CDC42BPA: variants seen among roughly 807,000 people sequenced by gnomAD.
The protein encoded by CDC42BPA is serine/threonine-protein kinase MRCK alpha.
CDC42BPA carries 80 observed loss-of-function variants against 223.5 expected under a neutral mutation model. The observed-to-expected ratio is 0.36, with a 90% confidence interval of 0.30 to 0.43. The LOEUF is 0.43. Ranked by LOEUF, CDC42BPA falls within the 20% of genes least tolerant of loss-of-function variation. The pLI is 1.00. For missense variants in CDC42BPA, 1,743 were observed against 2,099.9 expected, an observed-to-expected ratio of 0.83 and a Z score of 3.32; for synonymous variants, 694 against 718.6, an observed-to-expected ratio of 0.97 and a Z score of 0.55.
chr1:227,196,589 T>C (rs985262111), intron 4 of CDC42BPA, among the ~76,000 whole-genome samples: 18 of 152,134 alleles, frequency 1.2e-4, no homozygotes, highest in Non-Finnish European at 2.2e-4. Context: ...TCCGCCCGCC[T>C]TGGCCTCCCA....
intron 29 of CDC42BPA, among the ~76,000 whole-genome samples, chr1:227,030,081 C>T (rs1326991076): frequency 1.3e-5 from 2 of 150,330 alleles, no homozygotes; most frequent in Admixed American, 6.6e-5. Flanking sequence ...TGCAATGAGC[C>T]GAGTTCGTGC....
At chr1:227,137,309 G>T (rs1438199220) in intron 10 of CDC42BPA, among the ~76,000 whole-genome samples, 3 of 151,998 alleles carry the variant, frequency 2.0e-5, no homozygotes, top group African/African-American at 7.2e-5. Context: ...TAAAATCATG[G>T]CAGAACATCA....
chr1:227,034,615 T>C, intron 26 of CDC42BPA, 40 bp downstream of exon 26: 1 of 1,540,780 alleles, frequency 6.5e-7, no homozygotes, highest in South Asian at 1.2e-5. Flanking sequence ...AAAATTCCTA[T>C]GTTGCAATGA....
chr1:227,013,798 T>C (rs1558282469), intron 34 of CDC42BPA, among the ~76,000 whole-genome samples: 1 of 152,140 alleles, frequency 6.6e-6, no homozygotes, highest in Admixed American at 6.5e-5. Flanking sequence ...TTATATTTGC[T>C]GATGTTTTGC....
Position 227,112,357 on chromosome 1 carries a change from A to G in CDC42BPA, c.1956T>C (p.Ser652=), listed in dbSNP as rs779991032. The G allele has an allele frequency of 1.0e-5, 16 of 1,607,988 alleles. No homozygotes were observed. In the Admixed American group the frequency reaches 1.4e-4, roughly 14 times the overall value. ...TTTCCAGTTGCTTAGAATAGTGCTC[A>G]CTCTGTTCACGTAGCTTCCTGTCTT... ...ASKDRKLREQ[S]EHYSKQLENE... Residue 652 remains serine, a synonymous_variant, in exon 14 of 37, where the codon AGT becomes AGC. Coordinates refer to ENST00000366766, the MANE Select transcript of CDC42BPA (RefSeq NM_001394014.1).
chr1:227,241,496 T>G (rs1193218998), intron 2 of CDC42BPA, among the ~76,000 whole-genome samples: 3 of 152,168 alleles, frequency 2.0e-5, no homozygotes, highest in African/African-American at 7.2e-5. Flanking sequence ...GGTATACTGC[T>G]CAGTAATAAA....
chr1:227,173,227 A>G (rs1480568394), intron 5 of CDC42BPA, among the ~76,000 whole-genome samples: 1 of 152,220 alleles, frequency 6.6e-6, no homozygotes. Context: ...CTATTGCTGT[A>G]TCTGCCATAT....
At chr1:227,008,042 C>T (rs1664439607) in intron 34 of CDC42BPA, among the ~76,000 whole-genome samples, 1 of 152,182 alleles carries the variant, frequency 6.6e-6, no homozygotes, top group Non-Finnish European at 1.5e-5. Context: ...ATATGGTTCC[C>T]TAGCCTCAGT....
At position 227,150,777 on chromosome 1, in the gene CDC42BPA, TA is replaced by T. The variant is rs551111449; in HGVS notation, c.694-3219del. 7.5e-3 allele frequency among the ~76,000 whole-genome samples: 1,104 copies of T among 146,360 alleles called. 10 individuals are homozygous for T. The highest frequency in any genetic ancestry group is 0.011 in the Non-Finnish European group (756 of 66,926). On this transcript the variant is annotated intron_variant, in intron 6 of 36. Transcript: ENST00000366766. ...AGGGCTGAAAAATAAGTTTACCCCA[TA>T]AATGTATTCAACTATAATTTGTCAG...
chr1:227,238,979 C>T (rs767052721), intron 2 of CDC42BPA, among the ~76,000 whole-genome samples: 18 of 152,154 alleles, frequency 1.2e-4, no homozygotes, highest in Non-Finnish European at 2.1e-4. Context: ...CCGTCTAGAG[C>T]TAACTGATGT....
At chr1:227,068,795 G>C (rs985439520) in intron 21 of CDC42BPA, 5 of 301,836 alleles carry the variant, frequency 1.7e-5, no homozygotes, top group Non-Finnish European at 3.0e-5. Context: ...ACAATTGAAA[G>C]GCAAATGACA....
At chr1:227,073,831 T>A (rs1678922588) in intron 19 of CDC42BPA, 33 bp downstream of exon 19, 1 of 1,447,440 alleles carries the variant, frequency 6.9e-7, no homozygotes, top group Non-Finnish European at 9.3e-7. Context: ...AACTTAGAAA[T>A]TATTCTAGTG....
intron 2 of CDC42BPA, among the ~76,000 whole-genome samples, chr1:227,241,495 C>T (rs965249057): frequency 6.6e-5 from 10 of 152,050 alleles, no homozygotes; most frequent in Admixed American, 5.2e-4. Flanking sequence ...TGGTATACTG[C>T]TCAGTAATAA....
chr1:227,171,235 T>G (rs1474418558), intron 5 of CDC42BPA, among the ~76,000 whole-genome samples: 1 of 152,248 alleles, frequency 6.6e-6, no homozygotes, highest in South Asian at 2.1e-4. Flanking sequence ...GTTTCTAAAA[T>G]GAATAATTTT....
chr1:227,193,062 A>ATTT (rs1669980573), intron 5 of CDC42BPA, among the ~76,000 whole-genome samples: 2 of 134,178 alleles, frequency 1.5e-5, no homozygotes, highest in South Asian at 2.2e-4. Context: ...GGAAGTGAGA[A>ATTT]CTTTTTTTTT....
intron 7 of CDC42BPA, among the ~76,000 whole-genome samples, chr1:227,146,089 T>C (rs1448291618): frequency 6.6e-6 from 1 of 152,120 alleles, no homozygotes; most frequent in African/African-American, 2.4e-5. Context: ...ATAAGTTACA[T>C]ACTAATGATT....
chr1:227,022,125 T>C (rs1461126549), intron 32 of CDC42BPA, among the ~76,000 whole-genome samples: 1 of 152,154 alleles, frequency 6.6e-6, no homozygotes, highest in Non-Finnish European at 1.5e-5. Context: ...CTTATATTTG[T>C]CTACTTAAAA....
At chr1:227,219,138 C>A (rs1675390804) in intron 2 of CDC42BPA, 1 of 152,182 alleles carries the variant, frequency 6.6e-6, no homozygotes, top group African/African-American at 2.4e-5. Context: ...AGTAAAAGAT[C>A]TTTTAAAGAA....
intron 21 of CDC42BPA, among the ~76,000 whole-genome samples, chr1:227,059,189 C>CAA (rs59693176): frequency 9.7e-5 from 14 of 144,336 alleles, no homozygotes; most frequent in South Asian, 6.5e-4. Flanking sequence ...CGGCCAAAGC[C>CAA]AAAAAAAAAA....
Sources: allele counts gnomAD v4.1 joint callset (sites outside exome capture counted in the v4.1 genomes callset), GRCh38; gene constraint gnomAD v4.1.1; transcripts MANE v1.5; gene names NCBI Gene and HGNC (gene_info 2026-07-23, HGNC 2026-07-21).